Variants in WDR82 observed in about 807,000 individuals in gnomAD.
The protein encoded by WDR82 is WD repeat domain 82, also known as WD repeat-containing protein 82.
In WDR82, 8 loss-of-function variants were observed where a neutral mutation model predicts 36.1. The observed-to-expected ratio is 0.22, with a 90% CI of 0.13 to 0.40. The LOEUF (loss-of-function observed/expected upper bound fraction) is 0.40. WDR82 is among the 10% of genes least tolerant of loss of function. WDR82 has a pLI of 1.00. For synonymous variants in WDR82, 129 were observed against 137.8 expected, an observed-to-expected ratio of 0.94 and a Z score of 0.45; for missense variants, 185 against 400.5, an observed-to-expected ratio of 0.46 and a Z score of 4.59.
intron 1 of WDR82, among the ~76,000 whole-genome samples, chr3:52,273,729 T>A (rs1700174835): frequency 6.6e-6 from 1 of 152,166 alleles, no homozygotes; most frequent in African/African-American, 2.4e-5. Flanking sequence ...CAAGCAATTC[T>A]CCCTGCCTCA....
At chr3:52,278,055 G>A (rs1335573952) in intron 1 of WDR82, 146 bp downstream of exon 1, 3 of 662,708 alleles carry the variant, frequency 4.5e-6, no homozygotes, top group African/African-American at 3.8e-5. Flanking sequence ...TCTCCTGGAC[G>A]GCTGCGGGGT....
At chr3:52,259,696 G>A in intron 6 of WDR82, 21 bp downstream of exon 6, 1 of 1,603,070 alleles carries the variant, frequency 6.2e-7, no homozygotes, top group Non-Finnish European at 8.5e-7. Context: ...AAACAGCCAT[G>A]CTTGAAGGCT....
At chr3:52,270,320 A>G (rs138557188) in intron 2 of WDR82, among the ~76,000 whole-genome samples, 6 of 152,328 alleles carry the variant, frequency 3.9e-5, no homozygotes, top group African/African-American at 1.4e-4. Context: ...AGGTTTCACC[A>G]TATCGGCCAG....
chr3:52,257,246 G>T lies in WDR82; in HGVS notation c.*244C>A. On this transcript the variant is annotated 3_prime_UTR_variant, in exon 9 of 9. Transcript: ENST00000296490. ...CTGGTCACTCCTCCAGCAGAGCTTGGTGCAGTGACAGTTAGAAAAGCTGAG... is the reference window on the plus strand; with the variant it reads ...CTGGTCACTCCTCCAGCAGAGCTTGTTGCAGTGACAGTTAGAAAAGCTGAG... 1.7e-6 allele frequency: 1 copy of T among 578,226 alleles called. No individual in the cohort carries two copies. The allele number at this position is 578,226 out of a possible 1,614,324, so 35.8% of individuals were successfully genotyped here.
rs1310852478 is a variant in WDR82, at chr3:52,266,961, T to C, written c.317A>G (p.His106Arg). 2 of 1,610,800 alleles carry C rather than the reference T, an allele frequency of 1.2e-6. No homozygotes were observed. Among genetic ancestry groups the C allele is most frequent in the South Asian group, 1.1e-5 (1 of 90,810 alleles). Residue 106 changes from histidine to arginine, a missense_variant, in exon 3 of 9, where the codon CAT (histidine) becomes CGT (arginine). His to Arg is a conservative substitution (Grantham distance 29). Coordinates refer to ENST00000296490, the MANE Select transcript of WDR82 (RefSeq NM_025222.4). ...DNKYIRYFPG[H>R]SKRVVALSMS... ...AATACGTGGGTCTTACCTTTTGCTA[T>C]GTCCAGGAAAGTATCTGATGTATTT...
intron 1 of WDR82, among the ~76,000 whole-genome samples, chr3:52,277,477 G>A (rs1260236868): frequency 6.6e-6 from 1 of 152,156 alleles, no homozygotes; most frequent in African/African-American, 2.4e-5. Flanking sequence ...TTGTTTTAAC[G>A]GAAGCTCACA....
intron 2 of WDR82, among the ~76,000 whole-genome samples, chr3:52,269,159 T>C (rs1052797126): frequency 3.3e-5 from 5 of 152,126 alleles, no homozygotes; most frequent in Non-Finnish European, 7.4e-5. Context: ...TGATCATCAA[T>C]AATCCACTGA....
intron 7 of WDR82, 85 bp from the exon 8 acceptor site, chr3:52,258,763 G>A (rs1006536684): frequency 7.6e-6 from 12 of 1,586,236 alleles, no homozygotes; most frequent in Non-Finnish European, 1.0e-5. Flanking sequence ...GAGATCTGAG[G>A]ATACGCCAAG....
At chr3:52,277,509 C>A (rs1218578051) in intron 1 of WDR82, among the ~76,000 whole-genome samples, 1 of 152,130 alleles carries the variant, frequency 6.6e-6, no homozygotes, top group Non-Finnish European at 1.5e-5. Context: ...ATGGGACGAC[C>A]AAGTTCGTTT....
At chr3:52,265,718 G>A (rs1172781563) in intron 3 of WDR82, among the ~76,000 whole-genome samples, 6 of 152,056 alleles carry the variant, frequency 3.9e-5, no homozygotes, top group Non-Finnish European at 7.3e-5. Flanking sequence ...AGGAATTACA[G>A]GCGCACACCA....
At chr3:52,259,596 A>G (rs1415882748) in intron 6 of WDR82, 121 bp downstream of exon 6, 2 of 1,226,186 alleles carry the variant, frequency 1.6e-6, no homozygotes, top group Non-Finnish European at 2.3e-6. Context: ...AAGAAAATAC[A>G]AGTGCATGCC....
At chr3:52,260,702 A>G (rs1407432019) in intron 4 of WDR82, among the ~76,000 whole-genome samples, 1 of 152,248 alleles carries the variant, frequency 6.6e-6, no homozygotes, top group Non-Finnish European at 1.5e-5. Context: ...AAAAAAACAT[A>G]AAACTAAAAT....
chr3:52,274,547 AG>A (rs1700185300), intron 1 of WDR82, among the ~76,000 whole-genome samples: 1 of 152,182 alleles, frequency 6.6e-6, no homozygotes, highest in Admixed American at 6.5e-5. Context: ...CCTGAGCAAC[AG>A]GGGAAGACCT....
At chr3:52,257,570 C>T in intron 8 of WDR82, 51 bp from the exon 9 acceptor site, 1 of 1,612,408 alleles carries the variant, frequency 6.2e-7, no homozygotes, top group Non-Finnish European at 8.5e-7. Context: ...CTCCTCACTG[C>T]CAACGGTTCT....
At chr3:52,278,136 G>A (rs1289240428) in intron 1 of WDR82, 65 bp downstream of exon 1, 9 of 1,418,546 alleles carry the variant, frequency 6.3e-6, no homozygotes, top group East Asian at 5.5e-5. Context: ...GCAGGCCGAG[G>A]GACCTGTGCT....
Position 52,278,499 on chromosome 3 carries a change from C to A in WDR82, c.-138G>T. 1 of 692,464 alleles carries A rather than the reference C, an allele frequency of 1.4e-6. No individual in the cohort carries two copies. Among genetic ancestry groups the A allele is most frequent in the Non-Finnish European group, 2.0e-6 (1 of 498,056 alleles). 42.9% of individuals were successfully genotyped at this position (692,464 alleles called of 1,614,324 possible). On this transcript the variant is annotated 5_prime_UTR_variant, in exon 1 of 9. Coordinates refer to ENST00000296490, the MANE Select transcript of WDR82 (RefSeq NM_025222.4). ...GCGGGAAGTCGGCCAACAGTTGGGC[C>A]GCCTCCTCCTCTTCTTCCTGCTTGG...
chr3:52,272,693 T>G (rs1378880128), intron 1 of WDR82, among the ~76,000 whole-genome samples: 3 of 152,250 alleles, frequency 2.0e-5, no homozygotes, highest in Admixed American at 2.0e-4. Context: ...TAGAAAGATT[T>G]CATAAATCCT....
At chr3:52,265,392 C>A (rs1700097340) in intron 3 of WDR82, among the ~76,000 whole-genome samples, 1 of 142,568 alleles carries the variant, frequency 7.0e-6, no homozygotes, top group South Asian at 2.3e-4. Flanking sequence ...CGTCAAACAA[C>A]TGCATCAACT....
Position 52,278,449 on chromosome 3 carries a change from G to T in WDR82, c.-88C>A. On this transcript the variant is annotated 5_prime_UTR_variant, in exon 1 of 9. Coordinates refer to ENST00000296490, the MANE Select transcript of WDR82 (RefSeq NM_025222.4). ...GGGCTGCCGAGGGGCCAACCCAGGCGGGGCGGGCGCCGCGCCGGCGGCTAG... is the reference window on the plus strand; with the variant it reads ...GGGCTGCCGAGGGGCCAACCCAGGCTGGGCGGGCGCCGCGCCGGCGGCTAG... 1.8e-6 allele frequency: 2 copies of T among 1,124,852 alleles called. No individual in the cohort carries two copies. Among genetic ancestry groups the T allele is most frequent in the African/African-American group, 1.6e-5 (1 of 60,920 alleles). 69.7% of individuals were successfully genotyped at this position (1,124,852 alleles called of 1,614,324 possible). A position where few individuals can be genotyped will look rare whatever the true frequency, so the allele number is the denominator to read the frequency against.
Sources: gnomAD v4.1 joint callset for allele counts (sites outside exome capture counted in the v4.1 genomes callset) on GRCh38, gnomAD v4.1.1 for gene constraint, MANE v1.5 for transcripts, NCBI Gene and HGNC (gene_info 2026-07-23, HGNC 2026-07-21) for gene names.